The following CDH12 variants were observed in gnomAD, a reference collection of about 807,000 sequenced individuals.
The protein encoded by CDH12 is cadherin-12.
A neutral mutation model predicts 74.1 loss-of-function variants in CDH12; 41 were observed. That is an observed-to-expected ratio of 0.55 (90% CI 0.43 to 0.72). The LOEUF (loss-of-function observed/expected upper bound fraction) is 0.72. Among genes scored for constraint, CDH12 ranks in the 30% least tolerant of loss-of-function variants. The probability of loss-of-function intolerance (pLI) is 0.00; values close to 1 mark genes in which losing one functional copy is unlikely to be tolerated. For missense variants in CDH12, 945 were observed against 977.2 expected, an observed-to-expected ratio of 0.97 and a Z score of 0.44; for synonymous variants, 399 against 355.0, an observed-to-expected ratio of 1.12 and a Z score of -1.39.
chr5:22,715,834 A>G (rs1397888286), intron 1 of CDH12, among the ~76,000 whole-genome samples: 3 of 151,484 alleles, frequency 2.0e-5, no homozygotes, highest in Non-Finnish European at 4.4e-5. Flanking sequence ...GAAAAAAGAA[A>G]AGAAAGAAAT....
chr5:21,995,368 T>G (rs982935468), intron 5 of CDH12, among the ~76,000 whole-genome samples: 1 of 151,858 alleles, frequency 6.6e-6, no homozygotes, highest in Non-Finnish European at 1.5e-5. Context: ...AAACGTGGTG[T>G]GTACTTCCTA....
chr5:22,073,330 T>C (rs751441648), intron 5 of CDH12, among the ~76,000 whole-genome samples: 6 of 152,170 alleles, frequency 3.9e-5, no homozygotes, highest in African/African-American at 1.4e-4. Context: ...TCCTAAATTA[T>C]TCTTCGGGGA....
chr5:22,825,731 G>A (rs560173399), intron 1 of CDH12, among the ~76,000 whole-genome samples: 1 of 152,170 alleles, frequency 6.6e-6, no homozygotes, highest in Admixed American at 6.6e-5. Flanking sequence ...GCAATGTGAA[G>A]CCACTGGAGA....
At chr5:22,564,145 CT>C (rs1739189215) in intron 1 of CDH12, among the ~76,000 whole-genome samples, 1 of 152,194 alleles carries the variant, frequency 6.6e-6, no homozygotes, top group Non-Finnish European at 1.5e-5. Context: ...CATTTTGCTG[CT>C]GATCATTTTT....
intron 3 of CDH12, among the ~76,000 whole-genome samples, chr5:22,396,203 G>T (rs1357311323): frequency 1.3e-5 from 2 of 151,982 alleles, no homozygotes; most frequent in African/African-American, 2.4e-5. Context: ...TCAAAAATAA[G>T]CAATTTTTTC....
At chr5:21,976,497 T>C (rs764283684) in intron 5 of CDH12, among the ~76,000 whole-genome samples, 27 of 150,432 alleles carry the variant, frequency 1.8e-4, no homozygotes, top group Admixed American at 4.7e-4. Flanking sequence ...TATAATTTTC[T>C]AGTAGTATAT....
chr5:22,823,239 G>A (rs1749809309), intron 1 of CDH12, among the ~76,000 whole-genome samples: 2 of 147,654 alleles, frequency 1.4e-5, no homozygotes, highest in South Asian at 2.3e-4. Context: ...GTTGTGAGGT[G>A]GGGGGAGGGG....
intron 9 of CDH12, among the ~76,000 whole-genome samples, chr5:21,816,458 C>T (rs543164400): frequency 4.6e-5 from 7 of 151,036 alleles, no homozygotes; most frequent in African/African-American, 1.7e-4. Flanking sequence ...AATCCCTTCT[C>T]TACTAAAAAT....
chr5:22,789,595 TAA>T (rs1747809275), intron 1 of CDH12, among the ~76,000 whole-genome samples: 1 of 152,082 alleles, frequency 6.6e-6, no homozygotes, highest in East Asian at 1.9e-4. Context: ...ATATTTCTCA[TAA>T]AAGTGTCTCA....
At chr5:22,836,530 G>A (rs990880642) in intron 1 of CDH12, among the ~76,000 whole-genome samples, 1 of 151,834 alleles carries the variant, frequency 6.6e-6, no homozygotes, top group Admixed American at 6.6e-5. Flanking sequence ...CGCCCAGCCA[G>A]TCCTGATGCT....
At chr5:22,031,577 C>T (rs1294322290) in intron 5 of CDH12, among the ~76,000 whole-genome samples, 2 of 152,122 alleles carry the variant, frequency 1.3e-5, no homozygotes, top group Non-Finnish European at 2.9e-5. Flanking sequence ...ATGTGGCTTC[C>T]TCACTCAGCT....
rs151275008 is a variant in CDH12, at chr5:22,614,854, G to C, written c.-522-109490C>G. ...TTTATTCTTCACAATTTCACAGATA[G>C]ACCATTCACACTGTCGTACTGTGAC... On this transcript the variant is annotated intron_variant, in intron 1 of 14. Coordinates refer to ENST00000382254, the MANE Select transcript of CDH12 (RefSeq NM_004061.5). Among the ~76,000 whole-genome samples the C allele has an allele frequency of 3.6e-3, 547 of 152,118 alleles. 1 individual carries two copies. Among genetic ancestry groups the C allele is most frequent in the African/African-American group, 0.01 (420 of 41,520 alleles).
At chr5:22,071,940 TC>T (rs1741967843) in intron 5 of CDH12, among the ~76,000 whole-genome samples, 1 of 152,132 alleles carries the variant, frequency 6.6e-6, no homozygotes, top group Admixed American at 6.6e-5. Flanking sequence ...TCACAATATT[TC>T]TCTAATTTGT....
intron 4 of CDH12, among the ~76,000 whole-genome samples, chr5:22,092,934 GA>G (rs1335433525): frequency 6.6e-6 from 1 of 152,176 alleles, no homozygotes; most frequent in Non-Finnish European, 1.5e-5. Flanking sequence ...ACTGATCAAG[GA>G]AAATGATGTC....
chr5:22,094,444 A>C lies in CDH12; in HGVS notation c.-186-15582T>G, dbSNP rs571249309. 1.2e-4 allele frequency among the ~76,000 whole-genome samples: 18 copies of C among 152,320 alleles called. No individual in the cohort carries two copies. The South Asian group carries it at 3.7e-3, about 32-fold the overall frequency. On this transcript the variant is annotated intron_variant, in intron 4 of 14. Coordinates refer to ENST00000382254, the MANE Select transcript of CDH12 (RefSeq NM_004061.5). ...TTCCAGAGGGACTAAATCTAGGATG[A>C]AAATGAAGCTGAGTTTAGCACAAAG...
At chr5:22,504,032 A>G (rs1736283761) in intron 2 of CDH12, among the ~76,000 whole-genome samples, 1 of 152,144 alleles carries the variant, frequency 6.6e-6, no homozygotes, top group Admixed American at 6.5e-5. Context: ...CCAAACCAAA[A>G]TTATCCAAGA....
intron 1 of CDH12, among the ~76,000 whole-genome samples, chr5:22,595,915 AAAAT>A (rs370577569): frequency 2.0e-5 from 3 of 150,824 alleles, no homozygotes; most frequent in Admixed American, 2.0e-4. Context: ...GTCTCTACTA[AAAAT>A]AAATAAATAA....
intron 1 of CDH12, among the ~76,000 whole-genome samples, chr5:22,757,307 T>A (rs907160063): frequency 6.6e-6 from 1 of 152,170 alleles, no homozygotes; most frequent in Non-Finnish European, 1.5e-5. Flanking sequence ...AACATAATAT[T>A]TACCTTGCTT....
intron 2 of CDH12, among the ~76,000 whole-genome samples, chr5:22,464,817 C>T (rs1178279021): frequency 3.9e-5 from 6 of 152,034 alleles, no homozygotes; most frequent in Non-Finnish European, 8.8e-5. Context: ...GCCTGGTTAA[C>T]ATGGTGAAAC....
Sources: allele counts gnomAD v4.1 joint callset (sites outside exome capture counted in the v4.1 genomes callset), GRCh38; gene constraint gnomAD v4.1.1; transcripts MANE v1.5; gene names NCBI Gene and HGNC (gene_info 2026-07-23, HGNC 2026-07-21).